The following RUVBL1 variants were observed in gnomAD, a reference collection of about 807,000 sequenced individuals.
RUVBL1 encodes RuvB like AAA ATPase 1, also known as ruvB-like 1.
In RUVBL1, 4 loss-of-function variants were observed where a neutral mutation model predicts 52.4. The observed-to-expected ratio is 0.08, with a 90% confidence interval of 0.04 to 0.17. The LOEUF is 0.17. Among genes scored for constraint, RUVBL1 ranks in the 10% least tolerant of loss-of-function variants. RUVBL1 has a pLI of 1.00. For missense variants in RUVBL1, 298 were observed against 572.8 expected (o/e 0.52, Z 4.90); for synonymous variants, 217 against 214.4 (o/e 1.01, Z -0.10).
At chr3:128,148,695 C>T (rs1223584008) in intron 1 of RUVBL1, among the ~76,000 whole-genome samples, 1 of 152,176 alleles carries the variant, frequency 6.6e-6, no homozygotes, top group Non-Finnish European at 1.5e-5. Context: ...TGCTGTTATC[C>T]ATCTCTTATG....
downstream of RUVBL1, among the ~76,000 whole-genome samples, chr3:128,078,262 G>C (rs564967112): frequency 8.7e-4 from 133 of 152,222 alleles, no homozygotes; most frequent in Non-Finnish European, 1.7e-3. Flanking sequence ...TCACTCTCTG[G>C]TGTGACAGCA....
At chr3:128,133,238 A>G (rs1943906327) in intron 1 of RUVBL1, among the ~76,000 whole-genome samples, 1 of 152,184 alleles carries the variant, frequency 6.6e-6, no homozygotes, top group Non-Finnish European at 1.5e-5. Context: ...TAGAGCACCA[A>G]ATGGATTCCT....
At chr3:128,089,909 C>CAA (rs57182193) in intron 8 of RUVBL1, among the ~76,000 whole-genome samples, 9 of 59,350 alleles carry the variant, frequency 1.5e-4, no homozygotes, top group African/African-American at 4.6e-4. Context: ...GACCCTATCT[C>CAA]AAAAAAAAAA....
Position 128,130,611 on chromosome 3 carries a change from AAAATTT to A in RUVBL1, c.-39-11203_-39-11198del, listed in dbSNP as rs765199569. On this transcript the variant is annotated intron_variant, in intron 1 of 9. Coordinates refer to the RUVBL1 transcript ENST00000464873. ...CCATCTCTACAAAAAAAAAAAAAAAAAAATTTTATTTATTTATGTATTTATTTATTT... is the reference window on the plus strand; with the variant it reads ...CCATCTCTACAAAAAAAAAAAAAAAATATTTATTTATGTATTTATTTATTT... 3.0e-4 allele frequency among the ~76,000 whole-genome samples: 39 copies of A among 129,402 alleles called. 1 individual carries two copies. Among genetic ancestry groups the A allele is most frequent in the African/African-American group, 1.0e-3 (32 of 30,572 alleles). 84.9% of individuals were successfully genotyped at this position (129,402 alleles called of 152,430 possible).
chr3:128,144,645 G>A (rs1944076833), intron 1 of RUVBL1, among the ~76,000 whole-genome samples: 1 of 152,200 alleles, frequency 6.6e-6, no homozygotes, highest in African/African-American at 2.4e-5. Flanking sequence ...AGATATGCAA[G>A]GTGAGGCCCT....
chr3:128,096,742 G>A (rs1157354054), intron 8 of RUVBL1, among the ~76,000 whole-genome samples: 6 of 152,070 alleles, frequency 3.9e-5, no homozygotes, highest in Non-Finnish European at 8.8e-5. Flanking sequence ...CAGGAGAATG[G>A]TGTGAACCCG....
intron 8 of RUVBL1, among the ~76,000 whole-genome samples, chr3:128,093,288 CTA>C (rs900940485): frequency 3.3e-5 from 5 of 152,166 alleles, no homozygotes; most frequent in African/African-American, 1.2e-4. Context: ...AAAAGCAAAT[CTA>C]TAGAGACAAA....
chr3:128,113,366 G>GT (rs949573164), intron 2 of RUVBL1, among the ~76,000 whole-genome samples: 2 of 152,120 alleles, frequency 1.3e-5, no homozygotes, highest in Non-Finnish European at 2.9e-5. Context: ...GTAATGCAAC[G>GT]TAAGTACCAT....
chr3:128,111,163 T>A (rs1943383302), intron 3 of RUVBL1, among the ~76,000 whole-genome samples: 2 of 150,984 alleles, frequency 1.3e-5, no homozygotes, highest in Non-Finnish European at 2.9e-5. Context: ...AGGCTGAGGT[T>A]GCAGTGAGCT....
downstream of RUVBL1, chr3:128,078,625 TACA>T (rs1942393577): frequency 6.6e-6 from 1 of 151,988 alleles, no homozygotes. Flanking sequence ...ACTTTAATAT[TACA>T]ACAATTTTTC....
Position 128,082,430 on chromosome 3 carries a change from G to A in RUVBL1, c.1211+53C>T, listed in dbSNP as rs906178157. On this transcript the variant is annotated intron_variant, in intron 10 of 10. Coordinates refer to ENST00000322623, the MANE Select transcript of RUVBL1 (RefSeq NM_003707.3). This position sits in a 1 kb window ranked among gnomAD's most constrained non-coding sequence, Gnocchi z 4.7. ...CTTTATTGTCCAGAATGACCCCAGCGAGGGCCCTGGCTGTGCTGGGGAGGC... is the reference window on the plus strand; with the variant it reads ...CTTTATTGTCCAGAATGACCCCAGCAAGGGCCCTGGCTGTGCTGGGGAGGC... 4.6e-5 allele frequency: 61 copies of A among 1,338,050 alleles called. No individual in the cohort carries two copies. In the African/African-American group the frequency reaches 4.9e-4, roughly 11 times the overall value. 82.9% of individuals were successfully genotyped at this position (1,338,050 alleles called of 1,614,324 possible).
intron 3 of RUVBL1, among the ~76,000 whole-genome samples, chr3:128,109,197 C>T (rs1054523058): frequency 7.9e-5 from 12 of 152,230 alleles, no homozygotes; most frequent in African/African-American, 2.9e-4. Flanking sequence ...GCCTTTACTT[C>T]ATAATTAATT....
chr3:128,080,988 AACTTAGAG>A lies in RUVBL1; in HGVS notation c.*254_*261del, dbSNP rs1252754001. On this transcript the variant is annotated 3_prime_UTR_variant, in exon 11 of 11. Coordinates refer to ENST00000322623, the MANE Select transcript of RUVBL1 (RefSeq NM_003707.3). ...TGTTCTGAAAAGTTTATTTTTAAAAAACTTAGAGAGAGAGAGAGAGAGAATCAAAATAA... is the reference window on the plus strand; with the variant it reads ...TGTTCTGAAAAGTTTATTTTTAAAAAAGAGAGAGAGAGAGAATCAAAATAA... The A allele has an allele frequency of 2.2e-5, 9 of 400,270 alleles. No homozygotes were observed. The highest frequency in any genetic ancestry group is 1.2e-4 in the African/African-American group (6 of 48,614). 24.8% of individuals were successfully genotyped at this position (400,270 alleles called of 1,614,324 possible).
At chr3:128,088,828 A>C (rs1356368784) in intron 8 of RUVBL1, among the ~76,000 whole-genome samples, 1 of 152,220 alleles carries the variant, frequency 6.6e-6, no homozygotes, top group East Asian at 1.9e-4. Flanking sequence ...TATTTTACTT[A>C]ACCCAAATTG....
chr3:128,093,627 A>T (rs1226423546), intron 8 of RUVBL1, among the ~76,000 whole-genome samples: 1 of 152,198 alleles, frequency 6.6e-6, no homozygotes, highest in Non-Finnish European at 1.5e-5. Flanking sequence ...TCCTAATCCC[A>T]GGGAGCTATA....
At chr3:128,149,620 C>G (rs1479594546) in intron 1 of RUVBL1, among the ~76,000 whole-genome samples, 1 of 152,210 alleles carries the variant, frequency 6.6e-6, no homozygotes, top group East Asian at 1.9e-4. Context: ...ATGAAGACTA[C>G]TTTCCTTGGG....
Position 128,067,514 on chromosome 3 carries a change from G to A in RUVBL1, c.940-2294C>T. On this transcript the variant is annotated intron_variant, in intron 9 of 9. Coordinates refer to the RUVBL1 transcript ENST00000464873. The surrounding 1 kb of genome is among the most constrained non-coding windows in gnomAD (Gnocchi z 4.1). Reference sequence around the variant, plus strand: ...AGAATCTTTTGGCTCCGTGTTAGAAGACCCGGTCCATGCAGTTGTATACAT... The same window carrying A: ...AGAATCTTTTGGCTCCGTGTTAGAAAACCCGGTCCATGCAGTTGTATACAT... 6.2e-7 allele frequency: 1 copy of A among 1,614,152 alleles called. No homozygotes were observed. Among genetic ancestry groups the A allele is most frequent in the Non-Finnish European group, 8.5e-7 (1 of 1,180,006 alleles).
chr3:128,095,354 C>T (rs1190889697), intron 8 of RUVBL1, among the ~76,000 whole-genome samples: 1 of 152,252 alleles, frequency 6.6e-6, no homozygotes, highest in Non-Finnish European at 1.5e-5. Context: ...GCCCTTTCAC[C>T]AACTGCACTG....
At chr3:128,131,739 C>T (rs1943879341) in intron 1 of RUVBL1, among the ~76,000 whole-genome samples, 1 of 152,176 alleles carries the variant, frequency 6.6e-6, no homozygotes, top group Non-Finnish European at 1.5e-5. Context: ...ACATGATCAA[C>T]TCAACTGATT....
Sources: allele counts gnomAD v4.1 joint callset (sites outside exome capture counted in the v4.1 genomes callset), GRCh38; gene constraint gnomAD v4.1.1; non-coding constraint Gnocchi (gnomAD v3.1); transcripts MANE v1.5; gene names NCBI Gene and HGNC (gene_info 2026-07-23, HGNC 2026-07-21).